The following KCNMA1 variants were observed in gnomAD, a reference collection of about 807,000 sequenced individuals.
The protein encoded by KCNMA1 is potassium calcium-activated channel subfamily M alpha 1.
Under a neutral mutation model 140.0 loss-of-function variants are expected in KCNMA1, and 29 were observed. The ratio of observed to expected loss-of-function variants is 0.21; its 90% CI spans 0.15 to 0.28. KCNMA1 has a LOEUF of 0.28. KCNMA1 is among the 10% of genes least tolerant of loss of function. The pLI is 1.00. For synonymous variants in KCNMA1, 612 were observed against 611.9 expected (o/e 1.00, Z 0.00); for missense variants, 880 against 1,602.2 (o/e 0.55, Z 7.70).
intron 3 of KCNMA1, among the ~76,000 whole-genome samples, chr10:77,242,020 G>A (rs1405193668): frequency 6.6e-6 from 1 of 152,026 alleles, no homozygotes; most frequent in African/African-American, 2.4e-5. Flanking sequence ...CCACACTGTG[G>A]CCTGTTTGCG....
intron 3 of KCNMA1, among the ~76,000 whole-genome samples, chr10:77,206,818 G>A (rs535230244): frequency 6.6e-6 from 1 of 150,922 alleles, no homozygotes; most frequent in African/African-American, 2.4e-5. Context: ...AGGGAGGGAG[G>A]GGGGGGCGGG....
intron 2 of KCNMA1, among the ~76,000 whole-genome samples, chr10:77,392,034 G>A (rs960399067): frequency 3.1e-4 from 46 of 150,552 alleles, no homozygotes; most frequent in African/African-American, 9.8e-4. Flanking sequence ...CTCAGTAGCC[G>A]CAAATACAGA....
intron 1 of KCNMA1, among the ~76,000 whole-genome samples, chr10:77,630,364 C>A (rs1159353151): frequency 6.6e-6 from 1 of 152,126 alleles, no homozygotes; most frequent in African/African-American, 2.4e-5. Context: ...CGAGGAAGAG[C>A]CCACACATTG....
intron 9 of KCNMA1, among the ~76,000 whole-genome samples, chr10:77,093,538 G>A (rs1224292311): frequency 5.3e-5 from 8 of 152,274 alleles, no homozygotes; most frequent in South Asian, 2.1e-4. Flanking sequence ...CTCAGCAATC[G>A]GTATTAGGAG....
At chr10:77,054,256 C>A (rs564035404) in intron 14 of KCNMA1, among the ~76,000 whole-genome samples, 1 of 152,128 alleles carries the variant, frequency 6.6e-6, no homozygotes, top group African/African-American at 2.4e-5. Context: ...AATACTCAAC[C>A]ACAGATAGAA....
chr10:77,402,639 T>A (rs538314250), intron 2 of KCNMA1, among the ~76,000 whole-genome samples: 2 of 152,298 alleles, frequency 1.3e-5, no homozygotes, highest in East Asian at 1.9e-4. Flanking sequence ...ATCCCAGACA[T>A]AACATTGAGT....
At chr10:77,213,364 G>A (rs948491007) in intron 3 of KCNMA1, among the ~76,000 whole-genome samples, 4 of 152,048 alleles carry the variant, frequency 2.6e-5, no homozygotes, top group Non-Finnish European at 5.9e-5. Context: ...GGCAGTAGGC[G>A]AGGTCTAAGG....
chr10:77,264,060 T>C (rs781753018), intron 2 of KCNMA1, among the ~76,000 whole-genome samples: 9 of 152,184 alleles, frequency 5.9e-5, no homozygotes, highest in Admixed American at 1.3e-4. Context: ...GCATCCCTCA[T>C]GCTCAATAAA....
At chr10:77,439,562 G>A (rs1216167039) in intron 1 of KCNMA1, among the ~76,000 whole-genome samples, 1 of 152,148 alleles carries the variant, frequency 6.6e-6, no homozygotes, top group Non-Finnish European at 1.5e-5. Flanking sequence ...GGAGAGATGG[G>A]TATTTGGGAA....
At chr10:76,931,940 C>CT (rs371387152) in intron 23 of KCNMA1, among the ~76,000 whole-genome samples, 39 of 152,208 alleles carry the variant, frequency 2.6e-4, no homozygotes, top group Admixed American at 5.2e-4. Context: ...GTGGATAATC[C>CT]TAACTTATGA....
At chr10:76,895,815 C>T (rs1284701309) in intron 25 of KCNMA1, among the ~76,000 whole-genome samples, 6 of 152,046 alleles carry the variant, frequency 3.9e-5, no homozygotes, top group Non-Finnish European at 7.4e-5. Flanking sequence ...CACATGTCGG[C>T]GGGTTCCATG....
At chr10:77,057,007 A>T (rs1001582631) in intron 14 of KCNMA1, among the ~76,000 whole-genome samples, 12 of 152,260 alleles carry the variant, frequency 7.9e-5, no homozygotes, top group Non-Finnish European at 1.2e-4. Context: ...GGAAAAAAAA[A>T]TTTTTTTGAG....
chr10:77,089,240 G>A (rs548738369), intron 10 of KCNMA1, among the ~76,000 whole-genome samples: 4 of 152,208 alleles, frequency 2.6e-5, no homozygotes, highest in Non-Finnish European at 5.9e-5. Context: ...AGAGGACGAC[G>A]ATCCACCAAA....
At chr10:77,572,641 A>G (rs1251099602) in intron 1 of KCNMA1, among the ~76,000 whole-genome samples, 1 of 126,064 alleles carries the variant, frequency 7.9e-6, no homozygotes, top group African/African-American at 3.0e-5. Context: ...CTATAGTCCC[A>G]GCTACTCAGG....
intron 1 of KCNMA1, among the ~76,000 whole-genome samples, chr10:77,517,129 C>T (rs1158387727): frequency 2.0e-5 from 3 of 152,082 alleles, no homozygotes; most frequent in African/African-American, 7.2e-5. Context: ...CTGATGCAAA[C>T]TCAGGCTGGA....
At chr10:77,155,964 A>G (rs2098478628) in intron 5 of KCNMA1, among the ~76,000 whole-genome samples, 2 of 152,154 alleles carry the variant, frequency 1.3e-5, no homozygotes, top group Admixed American at 6.5e-5. Flanking sequence ...ATGGTGGCTC[A>G]CGCCTGTAAT....
At chr10:77,398,560 G>T (rs1397210119) in intron 2 of KCNMA1, among the ~76,000 whole-genome samples, 2 of 152,134 alleles carry the variant, frequency 1.3e-5, no homozygotes, top group Non-Finnish European at 2.9e-5. Flanking sequence ...GATTTTTGTT[G>T]TTGAGTTTTT....
At position 77,090,391 on chromosome 10, in the gene KCNMA1, A is replaced by G; in HGVS notation, c.1334+9T>C. On this transcript the variant is annotated intron_variant, in intron 10 of 27. Coordinates refer to ENST00000286628, the MANE Select transcript of KCNMA1 (RefSeq NM_001161352.2). ...GGCAGAGGGTCTGACAGCAGTAGGA[A>G]GCTCTTACTTGTGAAGAAAAACGAT... The G allele has an allele frequency of 1.9e-6, 3 of 1,567,072 alleles. No homozygotes were observed. Among genetic ancestry groups the G allele is most frequent in the Non-Finnish European group, 2.6e-6 (3 of 1,137,132 alleles).
intron 3 of KCNMA1, among the ~76,000 whole-genome samples, chr10:77,191,887 T>C (rs2098941441): frequency 6.6e-6 from 1 of 152,180 alleles, no homozygotes; most frequent in Non-Finnish European, 1.5e-5. Flanking sequence ...TCAACAGGAC[T>C]ATTAATCCTT....
Sources: gnomAD v4.1 joint callset for allele counts (sites outside exome capture counted in the v4.1 genomes callset) on GRCh38, gnomAD v4.1.1 for gene constraint, MANE v1.5 for transcripts, NCBI Gene and HGNC (gene_info 2026-07-23, HGNC 2026-07-21) for gene names.